The following SWT1 variants were observed in gnomAD, a reference collection of about 807,000 sequenced individuals.
SWT1 encodes SWT1 RNA endoribonuclease homolog.
SWT1 carries 33 observed loss-of-function variants against 107.3 expected under a neutral mutation model. That is an observed-to-expected ratio of 0.31 (90% CI 0.23 to 0.41). The LOEUF is 0.41. Ranked by LOEUF, SWT1 falls within the 10% of genes least tolerant of loss-of-function variation. SWT1 has a pLI of 1.00. For missense variants in SWT1, 898 were observed against 1,028.9 expected (o/e 0.87, Z 1.74); for synonymous variants, 345 against 348.3 (o/e 0.99, Z 0.11).
intron 10 of SWT1, among the ~76,000 whole-genome samples, chr1:185,198,749 CCT>C (rs1491360787): frequency 2.0e-5 from 3 of 150,976 alleles, no homozygotes; most frequent in African/African-American, 2.4e-5. Flanking sequence ...GATTGCAACC[CCT>C]GTTTTTTTTT....
At chr1:185,246,262 T>A (rs987244326) in intron 16 of SWT1, among the ~76,000 whole-genome samples, 5 of 152,046 alleles carry the variant, frequency 3.3e-5, no homozygotes, top group Non-Finnish European at 2.9e-5. Context: ...CTATCCTGAT[T>A]AGTATCACAT....
At chr1:185,190,352 A>G (rs950416531) in intron 9 of SWT1, among the ~76,000 whole-genome samples, 197 bp from the exon 10 acceptor site, 2 of 152,194 alleles carry the variant, frequency 1.3e-5, no homozygotes, top group East Asian at 3.8e-4. Flanking sequence ...CATAGTTTAC[A>G]TTAGGTTCAC....
intron 2 of SWT1, among the ~76,000 whole-genome samples, chr1:185,166,038 C>T (rs1039572657): frequency 6.6e-6 from 1 of 152,150 alleles, no homozygotes; most frequent in Admixed American, 6.5e-5. Flanking sequence ...CCTTTCTCTG[C>T]TTTATTTTTT....
chr1:185,267,043 T>C (rs957866307), intron 16 of SWT1, among the ~76,000 whole-genome samples: 1 of 152,224 alleles, frequency 6.6e-6, no homozygotes, highest in Non-Finnish European at 1.5e-5. Flanking sequence ...GTTGTCCTTT[T>C]ATTGGTGGGA....
intron 16 of SWT1, among the ~76,000 whole-genome samples, chr1:185,245,126 C>T (rs1229876549): frequency 6.6e-6 from 1 of 152,116 alleles, no homozygotes; most frequent in African/African-American, 2.4e-5. Flanking sequence ...AAAAGGACCA[C>T]CCCTTTCAGA....
At chr1:185,210,071 T>C (rs916776858) in intron 13 of SWT1, among the ~76,000 whole-genome samples, 11 of 152,216 alleles carry the variant, frequency 7.2e-5, no homozygotes. Context: ...TTGATGGGGT[T>C]GTTTTTTTCT....
intron 16 of SWT1, among the ~76,000 whole-genome samples, chr1:185,253,462 G>A (rs1662216526): frequency 1.3e-5 from 2 of 151,394 alleles, no homozygotes; most frequent in Admixed American, 1.3e-4. Flanking sequence ...ATTTCCTTGA[G>A]CAGTGGTTTG....
chr1:185,264,253 T>C lies in SWT1; in HGVS notation c.2442-7070T>C, dbSNP rs548243571. 3.1e-4 allele frequency: 182 copies of C among 585,268 alleles called. No individual in the cohort carries two copies. In the African/African-American group the frequency reaches 3.5e-3, roughly 11 times the overall value. The allele number at this position is 585,268 out of a possible 1,614,324, so 36.3% of individuals were successfully genotyped here. A position where few individuals can be genotyped will look rare whatever the true frequency, so the allele number is the denominator to read the frequency against. ...ATGAAAAGTGTAGTTAAGTATATAG[T>C]AGACATCTTTTGCTTTTCATTTTTC... On this transcript the variant is annotated intron_variant, in intron 16 of 18. Coordinates refer to ENST00000367500, the MANE Select transcript of SWT1 (RefSeq NM_017673.7).
At chr1:185,256,810 T>C (rs1489099341) in intron 16 of SWT1, among the ~76,000 whole-genome samples, 1 of 152,240 alleles carries the variant, frequency 6.6e-6, no homozygotes, top group Non-Finnish European at 1.5e-5. Flanking sequence ...CCAGCTTTGT[T>C]CCATTGCTGG....
intron 8 of SWT1, 106 bp downstream of exon 8, chr1:185,184,450 T>A (rs1558021534): frequency 1.1e-5 from 8 of 712,512 alleles, no homozygotes; most frequent in Admixed American, 3.0e-5. Context: ...CATTTAGATA[T>A]GCTATATATT....
At chr1:185,277,086 T>C (rs1485545733) in intron 18 of SWT1, among the ~76,000 whole-genome samples, 2 of 152,178 alleles carry the variant, frequency 1.3e-5, no homozygotes, top group Non-Finnish European at 2.9e-5. Flanking sequence ...AGTGACATTG[T>C]ACATTTTTGC....
intron 9 of SWT1, among the ~76,000 whole-genome samples, chr1:185,187,433 A>G (rs1487654336): frequency 6.6e-6 from 1 of 151,982 alleles, no homozygotes; most frequent in Non-Finnish European, 1.5e-5. Flanking sequence ...CCAATCAGAC[A>G]TTTGTTCTGT....
At chr1:185,188,657 C>T (rs923011874) in intron 9 of SWT1, among the ~76,000 whole-genome samples, 10 of 152,106 alleles carry the variant, frequency 6.6e-5, no homozygotes, top group South Asian at 6.2e-4. Flanking sequence ...ATTGCATGAA[C>T]GAATGAGTTT....
chr1:185,231,600 G>A lies in SWT1; in HGVS notation c.2333G>A (p.Gly778Asp), dbSNP rs780250561. ...AGCACGGATGTATTTCAAAGATTGG[G>A]CTCAAATTCAGCTCTGACTACTTCA... is the stretch of plus-strand genomic sequence containing the variant. ...QNSTDVFQRL[G>D]SNSALTTSNI... Residue 778 changes from glycine to aspartate, a missense_variant, in exon 16 of 19, where the codon GGC becomes GAC. By Grantham distance (94) the Gly-to-Asp change is moderately conservative (BLOSUM62 -1). Transcript: ENST00000367500. 42 of 1,609,446 alleles carry A rather than the reference G, an allele frequency of 2.6e-5. No homozygotes were observed. Among genetic ancestry groups the A allele is most frequent in the Non-Finnish European group, 3.4e-5 (40 of 1,176,886 alleles).
At chr1:185,231,966 A>G (rs1373859921) in intron 16 of SWT1, among the ~76,000 whole-genome samples, 1 of 152,218 alleles carries the variant, frequency 6.6e-6, no homozygotes, top group Non-Finnish European at 1.5e-5. Context: ...TTTGTAAATT[A>G]AAACAGAAAC....
rs921639095 is a variant in SWT1 at position 185,239,140 on chromosome 1, A to G, written c.2441+7432A>G. The stretch of plus-strand genomic sequence containing the variant: ...TTCAGTTAAAGAAGTGAATGAAAAC[A>G]TATTTGATAGACTAACAGCTTTGGG... On this transcript the variant is annotated intron_variant, in intron 16 of 18. Transcript: ENST00000367500. Among the ~76,000 whole-genome samples, 7 of 152,204 alleles carry G rather than the reference A, an allele frequency of 4.6e-5. No individual in the cohort carries two copies. In the East Asian group the frequency reaches 1.2e-3, roughly 25 times the overall value.
At chr1:185,286,401 T>G (rs1271413604) in intron 18 of SWT1, among the ~76,000 whole-genome samples, 2 of 151,882 alleles carry the variant, frequency 1.3e-5, no homozygotes, top group Non-Finnish European at 2.9e-5. Flanking sequence ...TTTTTGTATG[T>G]TTTTAGTAGA....
intron 13 of SWT1, among the ~76,000 whole-genome samples, chr1:185,210,239 G>A (rs1489238673): frequency 6.6e-6 from 1 of 152,130 alleles, no homozygotes; most frequent in Non-Finnish European, 1.5e-5. Context: ...GATCCCATTT[G>A]TCAATTTTGG....
intron 1 of SWT1, among the ~76,000 whole-genome samples, chr1:185,158,190 G>A (rs972665194): frequency 2.0e-5 from 3 of 152,138 alleles, no homozygotes; most frequent in Admixed American, 6.6e-5. Context: ...GGAAGAGATA[G>A]CATGATTATT....
Sources: gnomAD v4.1 joint callset for allele counts (sites outside exome capture counted in the v4.1 genomes callset) on GRCh38, gnomAD v4.1.1 for gene constraint, MANE v1.5 for transcripts, NCBI Gene and HGNC (gene_info 2026-07-23, HGNC 2026-07-21) for gene names.